The following GBP1 variants were observed in gnomAD, a reference collection of about 807,000 sequenced individuals.
GBP1 encodes the protein guanylate binding protein 1.
A neutral mutation model predicts 69.5 loss-of-function variants in GBP1; 64 were observed. That is an observed-to-expected ratio of 0.92 (90% CI 0.75 to 1.13). The LOEUF is 1.13. Among genes scored for constraint, GBP1 ranks in the 50% most tolerant of loss-of-function variants. GBP1 has a pLI of 0.00. For synonymous variants in GBP1, 250 were observed against 261.2 expected, an observed-to-expected ratio of 0.96 and a Z score of 0.41; for missense variants, 630 against 704.1, an observed-to-expected ratio of 0.89 and a Z score of 1.19.
chr1:89,053,454 T>C lies in GBP1; in HGVS notation c.1680A>G (p.Leu560=). 6.2e-7 allele frequency: 1 copy of C among 1,613,804 alleles called. No individual in the cohort carries two copies. Among genetic ancestry groups the C allele is most frequent in the Non-Finnish European group, 8.5e-7 (1 of 1,179,976 alleles). ...LALKLQEQEQ[L]LKEGFQKESR... ...TTTCTTTTTGAAATCCCTCTTTTAG[T>C]AGTTGCTCCTGTTCCTAAAAAGGGA... Residue 560 remains leucine, a synonymous_variant, in exon 11 of 11, where the codon CTA becomes CTG. Coordinates refer to ENST00000370473, the MANE Select transcript of GBP1 (RefSeq NM_002053.3).
chr1:89,054,916 T>C, intron 9 of GBP1, 41 bp from the exon 10 acceptor site: 3 of 1,597,890 alleles, frequency 1.9e-6, no homozygotes, highest in Non-Finnish European at 2.6e-6. Flanking sequence ...TGTGGGGTTA[T>C]CTTGTTGCCT....
At chr1:89,060,485 C>T (rs1164130905) in intron 2 of GBP1, among the ~76,000 whole-genome samples, 161 bp from the exon 3 acceptor site, 1 of 152,136 alleles carries the variant, frequency 6.6e-6, no homozygotes, top group East Asian at 1.9e-4. Context: ...TTTGAATATC[C>T]AATGCATGGA....
At position 89,056,287 on chromosome 1, in the gene GBP1, C is replaced by T; in HGVS notation, c.1156-59G>A. ...CAGGGAAAGGATGTTAGCTTGACCT[C>T]AGAATTTTGGGAACGATTTCTGAAA... On this transcript the variant is annotated intron_variant, in intron 7 of 10. Transcript: ENST00000370473. The T allele has an allele frequency of 4.3e-6, 7 of 1,612,288 alleles. No individual in the cohort carries two copies. In the African/African-American group the frequency reaches 5.3e-5, roughly 12 times the overall value.
intron 10 of GBP1, 94 bp downstream of exon 10, chr1:89,054,588 G>C (rs1679995572): frequency 8.8e-7 from 1 of 1,135,674 alleles, no homozygotes; most frequent in Non-Finnish European, 1.3e-6. Flanking sequence ...CCTTACCCTG[G>C]GCTTCATGTT....
At chr1:89,053,553 G>T in intron 10 of GBP1, 85 bp from the exon 11 acceptor site, 1 of 1,530,598 alleles carries the variant, frequency 6.5e-7, no homozygotes, top group Non-Finnish European at 8.7e-7. Flanking sequence ...TAAATGATTT[G>T]TTATTTAATT....
chr1:89,054,222 C>T (rs1679986310), intron 10 of GBP1, among the ~76,000 whole-genome samples: 1 of 152,032 alleles, frequency 6.6e-6, no homozygotes. Flanking sequence ...GCCTCAGCTT[C>T]CTGAGTAGCT....
chr1:89,052,698 C>T lies in GBP1; in HGVS notation c.*657G>A, dbSNP rs1679948296. On this transcript the variant is annotated 3_prime_UTR_variant, in exon 11 of 11. Coordinates refer to ENST00000370473, the MANE Select transcript of GBP1 (RefSeq NM_002053.3). Reference sequence around the variant, plus strand: ...AATTGTCTAATGGTCTAAAGTGTCCCATTGAAGTTATAATCTGGATGAACT... The same window carrying T: ...AATTGTCTAATGGTCTAAAGTGTCCTATTGAAGTTATAATCTGGATGAACT... 1 of 152,168 alleles carries T rather than the reference C, an allele frequency of 6.6e-6. No individual in the cohort carries two copies. The highest frequency in any genetic ancestry group is 6.5e-5 in the Admixed American group (1 of 15,272). 9.4% of individuals were successfully genotyped at this position (152,168 alleles called of 1,614,324 possible).
Position 89,053,165 on chromosome 1 carries a change from G to T in GBP1, c.*190C>A. The T allele has an allele frequency of 2.0e-6, 1 of 493,968 alleles. No homozygotes were observed. The highest frequency in any genetic ancestry group is 3.3e-5 in the South Asian group (1 of 30,250). The allele number at this position is 493,968 out of a possible 1,614,324, so 30.6% of individuals were successfully genotyped here. A position where few individuals can be genotyped will look rare whatever the true frequency, so the allele number is the denominator to read the frequency against. ...TTGATACAGAGGTAAATGCATCTTT[G>T]TTGCACAATTTACAGTCTTTTTTTT... is the stretch of plus-strand genomic sequence containing the variant. On this transcript the variant is annotated 3_prime_UTR_variant, in exon 11 of 11. Transcript: ENST00000370473.
At position 89,056,992 on chromosome 1, in the gene GBP1, C is replaced by T. The variant is rs137876978; in HGVS notation, c.1017G>A (p.Met339Ile). 1.9e-6 allele frequency: 3 copies of T among 1,614,238 alleles called. No homozygotes were observed. The highest frequency in any genetic ancestry group is 2.2e-5 in the South Asian group (2 of 91,092). Reference sequence around the variant, plus strand: ...CTGTGGGCAGCTGCACCTTCTGGCCCATCTGCTGTTCATAGTGGGCAATAG... The same window carrying T: ...CTGTGGGCAGCTGCACCTTCTGGCCTATCTGCTGTTCATAGTGGGCAATAG... ...QKAIAHYEQQ[M>I]GQKVQLPTET... The change falls in exon 7 of 11, where the codon ATG becomes ATA. Residue 339 changes from methionine (M) to isoleucine (I), a missense_variant. Met to Ile is a conservative substitution (Grantham distance 10). Transcript: ENST00000370473.
At position 89,063,145 on chromosome 1, in the gene GBP1, G is replaced by A. The variant is rs267598753; in HGVS notation, c.90C>T (p.Ile30=). 1 of 1,614,088 alleles carries A rather than the reference G, an allele frequency of 6.2e-7. No individual in the cohort carries two copies. Among genetic ancestry groups the A allele is most frequent in the Non-Finnish European group, 8.5e-7 (1 of 1,179,978 alleles). The change falls in exon 2 of 11, where the codon ATC becomes ATT. Residue 30 remains isoleucine, a synonymous_variant. Transcript: ENST00000370473. ...CCATAGGCTGTGTAATGGCAGAAAG[G>A]ATCTTCAGAGCTTCTGGATTCGCCA... ...RLMANPEALK[I]LSAITQPMVV...
In GBP1 at chr1:89,058,085, C is replaced by G. The variant is rs750208719; in HGVS notation, c.781G>C (p.Glu261Gln). 6.2e-7 allele frequency: 1 copy of G among 1,614,168 alleles called. No individual in the cohort carries two copies. The highest frequency in any genetic ancestry group is 2.2e-5 in the East Asian group (1 of 44,884). Reference sequence around the variant, plus strand: ...AAGTCTGCTACTTGTTGCACAAATTCGGGGTCCAGCTCTTCATCTTGTAGT... The same window carrying G: ...AAGTCTGCTACTTGTTGCACAAATTGGGGGTCCAGCTCTTCATCTTGTAGT... ...EKLQDEELDP[E>Q]FVQQVADFCS... The change falls in exon 6 of 11, where the codon GAA becomes CAA. Residue 261 changes from glutamate to glutamine, a missense_variant. Coordinates refer to ENST00000370473, the MANE Select transcript of GBP1 (RefSeq NM_002053.3).
chr1:89,060,234 A>C lies in GBP1; in HGVS notation c.281T>G (p.Val94Gly), dbSNP rs746319193. 3.1e-6 allele frequency: 5 copies of C among 1,602,988 alleles called. No homozygotes were observed. Among genetic ancestry groups the C allele is most frequent in the Non-Finnish European group, 4.3e-6 (5 of 1,175,458 alleles). ...TCCCAGACCCTCGGTGTCCAGCAGA[A>C]CTAGGATGTGGCCTGGCTTCTTGGG... The part of the protein sequence containing the change: ...PHPKKPGHIL[V>G]LLDTEGLGDV... Residue 94 changes from valine (V) to glycine (G), a missense_variant, in exon 3 of 11, where the codon GTT (valine) becomes GGT (glycine). Coordinates refer to ENST00000370473, the MANE Select transcript of GBP1 (RefSeq NM_002053.3).
intron 10 of GBP1, among the ~76,000 whole-genome samples, 177 bp downstream of exon 10, chr1:89,054,505 A>G (rs539555742): frequency 1.3e-5 from 2 of 152,368 alleles, no homozygotes; most frequent in South Asian, 4.1e-4. Flanking sequence ...AAAAACTTTC[A>G]GTGACCAGAC....
At position 89,064,240 on chromosome 1, in the gene GBP1, T is replaced by TGAGAGA. The variant is rs34743787; in HGVS notation, c.-20+914_-20+919dup. 2.1e-3 allele frequency among the ~76,000 whole-genome samples: 215 copies of TGAGAGA among 100,048 alleles called. 2 individuals carry two copies. The highest frequency in any genetic ancestry group is 7.5e-3 in the African/African-American group (182 of 24,228). The allele number at this position is 100,048 out of a possible 152,430, so 65.6% of individuals were successfully genotyped here. On this transcript the variant is annotated intron_variant, in intron 1 of 10. Coordinates refer to ENST00000370473, the MANE Select transcript of GBP1 (RefSeq NM_002053.3). ...GTGTGTGTGTGTGTGTGTGTGTGTGTGAGAGAGAGAGAGAGAGAGAGAGAG... is the reference window on the plus strand; with the variant it reads ...GTGTGTGTGTGTGTGTGTGTGTGTGTGAGAGAGAGAGAGAGAGAGAGAGAGAGAGAG...
In GBP1 at chr1:89,058,148, G is replaced by T; in HGVS notation, c.718C>A (p.Arg240=). 6 of 1,613,986 alleles carry T rather than the reference G, an allele frequency of 3.7e-6. No individual in the cohort carries two copies. Among genetic ancestry groups the T allele is most frequent in the Non-Finnish European group, 5.1e-6 (6 of 1,179,920 alleles). The change falls in exon 6 of 11, where the codon CGG becomes AGG. Residue 240 remains arginine, a synonymous_variant. Transcript: ENST00000370473. ...GCAAGCTTCCTGCGGTGAACGGGCC[G>T]ATCAAAGACAAAGCATTTTTTCTTT... is the stretch of plus-strand genomic sequence containing the variant. ...FPKKKCFVFD[R]PVHRRKLAQL...
chr1:89,063,037 C>G lies in GBP1; in HGVS notation c.190+8G>C. On this transcript the variant is annotated splice_region_variant and intron_variant, in intron 2 of 10. Transcript: ENST00000370473. ...GGGACTTGGCAGAGCTTTGCTCATGCCACTCACCCTTTTTCTTTCCAGCCA... is the reference window on the plus strand; with the variant it reads ...GGGACTTGGCAGAGCTTTGCTCATGGCACTCACCCTTTTTCTTTCCAGCCA... 6.2e-7 allele frequency: 1 copy of G among 1,613,928 alleles called. No homozygotes were observed. The highest frequency in any genetic ancestry group is 8.5e-7 in the Non-Finnish European group (1 of 1,179,888).
chr1:89,056,154 T>G lies in GBP1; in HGVS notation c.1230A>C (p.Leu410Phe). 6.2e-7 allele frequency: 1 copy of G among 1,613,980 alleles called. No homozygotes were observed. Among genetic ancestry groups the G allele is most frequent in the Non-Finnish European group, 8.5e-7 (1 of 1,179,870 alleles). Residue 410 changes from leucine to phenylalanine, a missense_variant, in exon 8 of 11, where the codon TTA becomes TTC. Leu to Phe is a conservative substitution (Grantham distance 22, BLOSUM62 0). This residue lies in a region of GBP1 where 367 missense variants were observed against 369.5 expected (regional missense o/e 0.99). Transcript: ENST00000370473. ...QEASSDRCSALLQVIFSPLEE... is the reference protein window; with the variant it reads ...QEASSDRCSAFLQVIFSPLEE... Reference sequence around the variant, plus strand: ...CTAGAGGACTGAAAATGACCTGAAGTAAAGCTGAGCAACGATCTGATGATG... The same window carrying G: ...CTAGAGGACTGAAAATGACCTGAAGGAAAGCTGAGCAACGATCTGATGATG...
chr1:89,063,921 A>G (rs1391823031), intron 1 of GBP1, among the ~76,000 whole-genome samples: 1 of 152,188 alleles, frequency 6.6e-6, no homozygotes, highest in African/African-American at 2.4e-5. Flanking sequence ...GGGCCCTGAA[A>G]CTTAAGCTTC....
At position 89,057,003 on chromosome 1, in the gene GBP1, C is replaced by T. The variant is rs1284919472; in HGVS notation, c.1006G>A (p.Glu336Lys). 1 of 1,614,124 alleles carries T rather than the reference C, an allele frequency of 6.2e-7. No homozygotes were observed. The highest frequency in any genetic ancestry group is 8.5e-7 in the Non-Finnish European group (1 of 1,180,044). Residue 336 changes from glutamate (E) to lysine (K), a missense_variant, in exon 7 of 11, where the codon GAA (glutamate) becomes AAA (lysine). Around this residue, in one of 5 missense-constraint regions of GBP1, gnomAD observed 367 missense variants for 369.5 expected, o/e 0.99. Transcript: ENST00000370473. ...AAVQKAIAHYEQQMGQKVQLP... is the reference protein window; with the variant it reads ...AAVQKAIAHYKQQMGQKVQLP... The stretch of plus-strand genomic sequence containing the variant: ...TGCACCTTCTGGCCCATCTGCTGTT[C>T]ATAGTGGGCAATAGCCTTTTGCACT...
Sources: allele counts gnomAD v4.1 joint callset (sites outside exome capture counted in the v4.1 genomes callset), GRCh38; gene constraint gnomAD v4.1.1; regional missense constraint gnomAD v4.1.1; transcripts MANE v1.5; gene names NCBI Gene and HGNC (gene_info 2026-07-23, HGNC 2026-07-21).